Variants in EML4 observed in about 807,000 individuals in gnomAD.
EML4 encodes the protein EMAP like 4.
EML4 carries 72 observed loss-of-function variants against 129.0 expected under a neutral mutation model. The observed-to-expected ratio is 0.56, with a 90% CI of 0.46 to 0.68. The LOEUF (loss-of-function observed/expected upper bound fraction) is 0.68. Among genes scored for constraint, EML4 ranks in the 30% least tolerant of loss-of-function variants. EML4 has a pLI of 0.00. For missense variants in EML4, 1,363 were observed against 1,190.6 expected (o/e 1.14, Z -2.13); for synonymous variants, 532 against 405.0 (o/e 1.31, Z -3.77).
chr2:42,210,216 G>A (rs1037629754), intron 1 of EML4, among the ~76,000 whole-genome samples: 4 of 152,038 alleles, frequency 2.6e-5, no homozygotes, highest in Admixed American at 6.5e-5. Context: ...TAGGCTCTTG[G>A]CTATGACCAT....
At chr2:42,233,035 TG>T (rs1248237568) in intron 1 of EML4, among the ~76,000 whole-genome samples, 2 of 152,186 alleles carry the variant, frequency 1.3e-5, no homozygotes, top group Non-Finnish European at 2.9e-5. Context: ...GAAGGCCTTT[TG>T]TAAGTATTAA....
At chr2:42,250,668 G>A (rs62142561) in intron 2 of EML4, among the ~76,000 whole-genome samples, 1 of 151,848 alleles carries the variant, frequency 6.6e-6, no homozygotes, top group African/African-American at 2.4e-5. Context: ...GTATGGCATA[G>A]CCCAGTGGTC....
chr2:42,312,828 C>T (rs1293835425), intron 17 of EML4, among the ~76,000 whole-genome samples: 1 of 151,792 alleles, frequency 6.6e-6, no homozygotes, highest in Non-Finnish European at 1.5e-5. Flanking sequence ...GCTGGGATTA[C>T]AGGCATGAGC....
chr2:42,306,484 C>CCTTTTTTTTTTTTTTTT (rs1668598861), intron 17 of EML4, among the ~76,000 whole-genome samples: 1 of 74,604 alleles, frequency 1.3e-5, no homozygotes, highest in Non-Finnish European at 2.6e-5. Flanking sequence ...GTGCTAAATC[C>CCTTTTTTTTTTTTTTTT]TTTTTTTTTT....
At chr2:42,260,457 C>A (rs1204751348) in intron 3 of EML4, among the ~76,000 whole-genome samples, 1 of 152,210 alleles carries the variant, frequency 6.6e-6, no homozygotes, top group Non-Finnish European at 1.5e-5. Context: ...TGAGCCAGTG[C>A]GCCCAGCCGC....
At chr2:42,213,246 T>C (rs1376712709) in intron 1 of EML4, among the ~76,000 whole-genome samples, 1 of 152,210 alleles carries the variant, frequency 6.6e-6, no homozygotes, top group East Asian at 1.9e-4. Flanking sequence ...TGATGCCTTC[T>C]GGTCACTACT....
chr2:42,303,052 G>C (rs1668380766), intron 14 of EML4, 52 bp from the exon 15 acceptor site: 3 of 1,566,314 alleles, frequency 1.9e-6, no homozygotes, highest in South Asian at 1.2e-5. Flanking sequence ...GCTTCGAGTA[G>C]TAATTAATGC....
At chr2:42,263,432 G>A in intron 5 of EML4, 126 bp downstream of exon 5, 8 of 860,206 alleles carry the variant, frequency 9.3e-6, no homozygotes, top group Non-Finnish European at 1.3e-5. Context: ...TTGTGACAGA[G>A]TCTTGCTCTG....
intron 13 of EML4, among the ~76,000 whole-genome samples, chr2:42,299,144 G>A (rs1026167911): frequency 6.6e-6 from 1 of 152,134 alleles, no homozygotes; most frequent in Non-Finnish European, 1.5e-5. Context: ...AAGTTTGTTG[G>A]AGTTCTACTT....
At chr2:42,276,520 G>T (rs1558565925) in intron 6 of EML4, among the ~76,000 whole-genome samples, 1 of 152,140 alleles carries the variant, frequency 6.6e-6, no homozygotes, top group African/African-American at 2.4e-5. Context: ...CTGTTCTGCG[G>T]ACAGTCACTT....
chr2:42,319,054 A>T (rs1282332159), intron 19 of EML4, among the ~76,000 whole-genome samples: 2 of 152,228 alleles, frequency 1.3e-5, no homozygotes, highest in African/African-American at 4.8e-5. Flanking sequence ...CTTAATAAAC[A>T]GTATATCAAA....
intron 17 of EML4, among the ~76,000 whole-genome samples, chr2:42,312,623 G>A (rs947037586): frequency 2.0e-5 from 3 of 150,266 alleles, no homozygotes; most frequent in East Asian, 4.0e-4. Flanking sequence ...GCGCAATCTC[G>A]GCTCACTGCA....
At chr2:42,291,160 T>C (rs1667619631) in intron 11 of EML4, among the ~76,000 whole-genome samples, 1 of 152,156 alleles carries the variant, frequency 6.6e-6, no homozygotes, top group African/African-American at 2.4e-5. Context: ...CAGTGAATGG[T>C]GCTGGCTTAA....
At position 42,189,168 on chromosome 2, in the gene EML4, C is replaced by T. The variant is rs560871621; in HGVS notation, c.25+19532C>T. On this transcript the variant is annotated intron_variant, in intron 1 of 22. Coordinates refer to ENST00000318522, the MANE Select transcript of EML4 (RefSeq NM_019063.5). ...AGGCATGAGCCACCATGACGAACCA[C>T]GAGCCTTATTTTTAAAACAGTGATA... Among the ~76,000 whole-genome samples, 8 of 152,204 alleles carry T rather than the reference C, an allele frequency of 5.3e-5. No individual in the cohort carries two copies. In the South Asian group the frequency reaches 1.5e-3, roughly 28 times the overall value.
intron 1 of EML4, among the ~76,000 whole-genome samples, chr2:42,216,230 C>CTTTTTTTTTTTTTT (rs61417977): frequency 6.9e-5 from 3 of 43,378 alleles, no homozygotes; most frequent in African/African-American, 3.8e-4. Context: ...CGGCCCACTT[C>CTTTTTTTTTTTTTT]TTTTTTTTTT....
At chr2:42,259,485 A>T (rs931170545) in intron 3 of EML4, among the ~76,000 whole-genome samples, 1 of 152,148 alleles carries the variant, frequency 6.6e-6, no homozygotes, top group Admixed American at 6.5e-5. Context: ...ATTTTAACAT[A>T]AGATACATTC....
intron 17 of EML4, among the ~76,000 whole-genome samples, chr2:42,304,866 C>T (rs1668502758): frequency 1.3e-5 from 2 of 152,180 alleles, no homozygotes; most frequent in African/African-American, 2.4e-5. Context: ...GCACAGTAAT[C>T]CCAGCACTTT....
chr2:42,317,538 T>C lies in EML4; in HGVS notation c.2154+14T>C, dbSNP rs766389979. On this transcript the variant is annotated intron_variant, in intron 19 of 22. Coordinates refer to ENST00000318522, the MANE Select transcript of EML4 (RefSeq NM_019063.5). ...GGAAGGTGCACTGTAAGTAGTGAAG[T>C]AGAACAAGTTGTAAAATTATTGGGA... The C allele has an allele frequency of 1.9e-6, 3 of 1,539,876 alleles. No individual in the cohort carries two copies. Among genetic ancestry groups the C allele is most frequent in the East Asian group, 2.3e-5 (1 of 44,364 alleles).
At chr2:42,302,972 T>C in intron 14 of EML4, 132 bp from the exon 15 acceptor site, 1 of 715,488 alleles carries the variant, frequency 1.4e-6, no homozygotes, top group South Asian at 1.8e-5. Flanking sequence ...AGTAGTAGTA[T>C]GAGATTACCA....
Sources: gnomAD v4.1 joint callset for allele counts (sites outside exome capture counted in the v4.1 genomes callset) on GRCh38, gnomAD v4.1.1 for gene constraint, MANE v1.5 for transcripts, NCBI Gene and HGNC (gene_info 2026-07-23, HGNC 2026-07-21) for gene names.